Variants in ADAMTS18 observed in about 807,000 individuals in gnomAD.
ADAMTS18 encodes the protein ADAM metallopeptidase with thrombospondin type 1 motif 18.
ADAMTS18 carries 157 observed loss-of-function variants against 165.9 expected under a neutral mutation model. The observed-to-expected ratio is 0.95, with a 90% CI of 0.83 to 1.08. The LOEUF is 1.08. Among genes scored for constraint, ADAMTS18 ranks in the 50% least tolerant of loss-of-function variants. The probability of loss-of-function intolerance (pLI) is 0.00; values close to 1 mark genes in which losing one functional copy is unlikely to be tolerated. For synonymous variants in ADAMTS18, 782 were observed against 578.2 expected (o/e 1.35, Z -5.06); for missense variants, 2,040 against 1,534.0 (o/e 1.33, Z -5.51).
intron 3 of ADAMTS18, among the ~76,000 whole-genome samples, chr16:77,382,355 C>T (rs1054141826): frequency 7.2e-5 from 11 of 152,200 alleles, no homozygotes; most frequent in South Asian, 2.1e-4. Flanking sequence ...GGACTACAGG[C>T]GCCCGCCACC....
chr16:77,381,551 C>G (rs1057339200), intron 3 of ADAMTS18, among the ~76,000 whole-genome samples: 1 of 152,132 alleles, frequency 6.6e-6, no homozygotes, highest in Non-Finnish European at 1.5e-5. Flanking sequence ...CGCCTGTAAT[C>G]CCAGCACTTT....
intron 11 of ADAMTS18, among the ~76,000 whole-genome samples, chr16:77,339,031 A>T (rs560487957): frequency 8.5e-5 from 13 of 152,166 alleles, no homozygotes; most frequent in African/African-American, 3.1e-4. Context: ...ATATCGCTGA[A>T]GGACAAGGGA....
At chr16:77,352,406 C>G (rs1327864773) in intron 10 of ADAMTS18, among the ~76,000 whole-genome samples, 1 of 152,104 alleles carries the variant, frequency 6.6e-6, no homozygotes, top group Non-Finnish European at 1.5e-5. Context: ...AATTTCACAT[C>G]AATGTGTGTG....
chr16:77,321,080 A>G lies in ADAMTS18; in HGVS notation c.2286T>C (p.Asn762=). ...ATAACAAACAGCAGCATCTCTCACC[A>G]TTTGCTTTATGCTGGTTGAGGTACA... ...KGLYLNQHKA[N]EYYPVVLIPA... Residue 762 remains asparagine (N), a splice_region_variant and synonymous_variant, in exon 15 of 23, where the codon AAT becomes AAC. Transcript: ENST00000282849. 6 of 1,614,092 alleles carry G rather than the reference A, an allele frequency of 3.7e-6. No individual in the cohort carries two copies. The highest frequency in any genetic ancestry group is 2.2e-5 in the East Asian group (1 of 44,872).
chr16:77,329,606 T>A (rs1331626432), intron 12 of ADAMTS18, among the ~76,000 whole-genome samples: 2 of 152,202 alleles, frequency 1.3e-5, no homozygotes, highest in East Asian at 3.9e-4. Context: ...TTGTATTGAG[T>A]ACCCACCCTG....
intron 3 of ADAMTS18, among the ~76,000 whole-genome samples, chr16:77,394,614 T>A: frequency 6.6e-6 from 1 of 152,198 alleles, no homozygotes; most frequent in East Asian, 1.9e-4. Flanking sequence ...CAGATTAAGA[T>A]AAACACTTAA....
chr16:77,351,581 T>C (rs77573925), intron 10 of ADAMTS18, among the ~76,000 whole-genome samples: 13,189 of 152,268 alleles, frequency 0.087, 775 homozygotes, highest in East Asian at 0.25. Flanking sequence ...TAGTATGTAA[T>C]AAATTTGTGA....
At chr16:77,336,559 C>G (rs912667525) in intron 11 of ADAMTS18, among the ~76,000 whole-genome samples, 1 of 152,120 alleles carries the variant, frequency 6.6e-6, no homozygotes, top group Non-Finnish European at 1.5e-5. Flanking sequence ...TAAAAGGTGC[C>G]CACTTCAGAT....
chr16:77,357,840 C>T (rs1269892717), intron 8 of ADAMTS18, among the ~76,000 whole-genome samples: 2 of 151,960 alleles, frequency 1.3e-5, no homozygotes, highest in Non-Finnish European at 2.9e-5. Flanking sequence ...TTTATTTTAC[C>T]ATCTGTCCTT....
At chr16:77,364,978 T>G (rs1259561611) in intron 4 of ADAMTS18, among the ~76,000 whole-genome samples, 2 of 152,070 alleles carry the variant, frequency 1.3e-5, no homozygotes, top group East Asian at 3.9e-4. Flanking sequence ...TGGTGGTGCA[T>G]GCTTGTAATC....
At chr16:77,320,237 A>C in intron 15 of ADAMTS18, 144 bp from the exon 16 acceptor site, 1 of 1,027,120 alleles carries the variant, frequency 9.7e-7, no homozygotes, top group Non-Finnish European at 1.5e-6. Flanking sequence ...CTATGAAGTA[A>C]ACATGATCAA....
intron 10 of ADAMTS18, among the ~76,000 whole-genome samples, chr16:77,344,142 T>A (rs559953655): frequency 1.5e-5 from 2 of 135,164 alleles, no homozygotes; most frequent in Non-Finnish European, 3.3e-5. Context: ...TACATATATA[T>A]GTATGTGTGT....
chr16:77,321,262 T>A, intron 14 of ADAMTS18, 60 bp from the exon 15 acceptor site: 1 of 1,605,334 alleles, frequency 6.2e-7, no homozygotes. Flanking sequence ...AGGCTGGGAA[T>A]AATTAAGAGG....
chr16:77,406,584 T>C (rs1378301241), intron 3 of ADAMTS18, among the ~76,000 whole-genome samples: 3 of 152,018 alleles, frequency 2.0e-5, no homozygotes, highest in Admixed American at 1.3e-4. Flanking sequence ...TTAAGAAAAC[T>C]GAAAAGAATT....
At chr16:77,335,949 G>C (rs1315213683) in intron 11 of ADAMTS18, 45 bp from the exon 12 acceptor site, 2 of 1,613,144 alleles carry the variant, frequency 1.2e-6, no homozygotes, top group African/African-American at 1.3e-5. Flanking sequence ...AGACCACCTG[G>C]GAAAGCGCAG....
chr16:77,311,450 T>C (rs2055778822), intron 16 of ADAMTS18, among the ~76,000 whole-genome samples: 2 of 152,344 alleles, frequency 1.3e-5, no homozygotes, highest in South Asian at 4.1e-4. Flanking sequence ...CTTTAAAGAA[T>C]ACAGCCATGG....
At chr16:77,296,446 AAGTT>A (rs1265599814) in intron 18 of ADAMTS18, among the ~76,000 whole-genome samples, 3 of 152,210 alleles carry the variant, frequency 2.0e-5, no homozygotes, top group African/African-American at 4.8e-5. Context: ...ATTTACAAAA[AAGTT>A]AGGCACACAA....
chr16:77,300,306 G>C lies in ADAMTS18; in HGVS notation c.2631C>G (p.Thr877=). 6.2e-7 allele frequency: 1 copy of C among 1,614,106 alleles called. No homozygotes were observed. Among genetic ancestry groups the C allele is most frequent in the South Asian group, 1.1e-5 (1 of 91,088 alleles). The part of the protein sequence containing the change: ...TPPATKRPAY[T]WSIVQSECSV... Reference sequence around the variant, plus strand: ...AGCACTCTGACTGCACGATACTCCAGGTATAGGCAGGTCTTTTTGTGGCTG... The same window carrying C: ...AGCACTCTGACTGCACGATACTCCACGTATAGGCAGGTCTTTTTGTGGCTG... The change falls in exon 17 of 23, where the codon ACC becomes ACG. Residue 877 remains threonine (T), a synonymous_variant. Coordinates refer to ENST00000282849, the MANE Select transcript of ADAMTS18 (RefSeq NM_199355.4).
At chr16:77,288,208 C>A (rs935709864) in intron 22 of ADAMTS18, among the ~76,000 whole-genome samples, 2 of 152,054 alleles carry the variant, frequency 1.3e-5, no homozygotes, top group Non-Finnish European at 2.9e-5. Flanking sequence ...TACTGTTGGG[C>A]AATTTCATAA....
Sources: allele counts gnomAD v4.1 joint callset (sites outside exome capture counted in the v4.1 genomes callset), GRCh38; gene constraint gnomAD v4.1.1; transcripts MANE v1.5; gene names NCBI Gene and HGNC (gene_info 2026-07-23, HGNC 2026-07-21).